The following PARP15 variants were observed in gnomAD, a reference collection of about 807,000 sequenced individuals.
The protein encoded by PARP15 is poly(ADP-ribose) polymerase family member 15, also known as protein mono-ADP-ribosyltransferase PARP15.
Under a neutral mutation model 62.1 loss-of-function variants are expected in PARP15, and 50 were observed. The observed-to-expected ratio is 0.81, with a 90% CI of 0.64 to 1.02. The LOEUF (loss-of-function observed/expected upper bound fraction) is 1.02. Among genes scored for constraint, PARP15 ranks in the 50% least tolerant of loss-of-function variants. The probability of loss-of-function intolerance (pLI) is 0.00; values close to 1 mark genes in which losing one functional copy is unlikely to be tolerated. For synonymous variants in PARP15, 309 were observed against 293.1 expected (o/e 1.05, Z -0.55); for missense variants, 820 against 826.5 (o/e 0.99, Z 0.10).
At chr3:122,621,422 G>A in intron 7 of PARP15, 22 bp from the exon 8 acceptor site, 5 of 1,587,448 alleles carry the variant, frequency 3.1e-6, no homozygotes, top group Non-Finnish European at 4.3e-6. Context: ...CTGCATGTTT[G>A]TTTTTCTTTC....
Position 122,613,176 on chromosome 3 carries a change from G to C in PARP15, c.679G>C (p.Val227Leu). The part of the protein sequence containing the change: ...AVFAKLILSE[V>L]FEYSSSTRPI... Reference sequence around the variant, plus strand: ...TTTTGCTAAACTAATCCTTTCAGAAGTGTTCGAATACAGTAGCAGCACAAG... The same window carrying C: ...TTTTGCTAAACTAATCCTTTCAGAACTGTTCGAATACAGTAGCAGCACAAG... The change falls in exon 4 of 12, where the codon GTG (valine) becomes CTG (leucine). Residue 227 changes from valine (V) to leucine (L), a missense_variant. By Grantham distance (32) the Val-to-Leu change is conservative. Around this residue, in one of 3 missense-constraint regions of PARP15, gnomAD observed 731 missense variants for 727.7 expected, o/e 1.00. Transcript: ENST00000464300. 1 of 1,551,760 alleles carries C rather than the reference G, an allele frequency of 6.4e-7. No individual in the cohort carries two copies. The highest frequency in any genetic ancestry group is 8.7e-7 in the Non-Finnish European group (1 of 1,146,964).
In PARP15 at chr3:122,612,497, C is replaced by T. The variant is rs138505428; in HGVS notation, c.544-544C>T. Among the ~76,000 whole-genome samples, 841 of 151,866 alleles carry T rather than the reference C, an allele frequency of 5.5e-3. 24 individuals carry two copies. In the East Asian group the frequency reaches 0.094, roughly 17 times the overall value. On this transcript the variant is annotated intron_variant, in intron 3 of 11. Coordinates refer to ENST00000464300, the MANE Select transcript of PARP15 (RefSeq NM_001113523.3). The stretch of plus-strand genomic sequence containing the variant: ...CCAGGCTGGAGTTGGAGTACAGTGG[C>T]GCAATCTTGGCTCACTGCAAGCTCC...
chr3:122,617,312 T>C lies in PARP15; in HGVS notation c.1000+148T>C, dbSNP rs1409284164. 4 of 785,524 alleles carry C rather than the reference T, an allele frequency of 5.1e-6. No individual in the cohort carries two copies. In the East Asian group the frequency reaches 8.1e-5, roughly 16 times the overall value. The allele number at this position is 785,524 out of a possible 1,614,324, so 48.7% of individuals were successfully genotyped here. A position where few individuals can be genotyped will look rare whatever the true frequency, so the allele number is the denominator to read the frequency against. On this transcript the variant is annotated intron_variant, in intron 6 of 11. Coordinates refer to ENST00000464300, the MANE Select transcript of PARP15 (RefSeq NM_001113523.3). ...AGGAAGACGTGGGTTGAATCCCAGC[T>C]ATGCCACTTAGCAATGTGTAGCTGT... is the stretch of plus-strand genomic sequence containing the variant.
intron 2 of PARP15, among the ~76,000 whole-genome samples, chr3:122,607,091 A>G (rs1359405573): frequency 2.6e-5 from 4 of 152,188 alleles, no homozygotes; most frequent in Non-Finnish European, 4.4e-5. Context: ...GTCATTTTAC[A>G]CAGAATTGAT....
chr3:122,577,660 A>T lies in PARP15; in HGVS notation c.-8A>T, dbSNP rs1322436514. Reference sequence around the variant, plus strand: ...GTGGGGCGCAACTGCAGTCCCAGCGAGCTGAGGATGGCTGCGCCAGGCCCC... The same window carrying T: ...GTGGGGCGCAACTGCAGTCCCAGCGTGCTGAGGATGGCTGCGCCAGGCCCC... On this transcript the variant is annotated 5_prime_UTR_variant, in exon 1 of 12. Transcript: ENST00000464300. 12 of 1,551,604 alleles carry T rather than the reference A, an allele frequency of 7.7e-6. No individual in the cohort carries two copies. Among genetic ancestry groups the T allele is most frequent in the Non-Finnish European group, 1.0e-5 (12 of 1,146,964 alleles).
intron 2 of PARP15, among the ~76,000 whole-genome samples, chr3:122,608,213 C>CTTTTTTTTTTTTTTTTTTTTTT (rs71136576): frequency 1.8e-5 from 2 of 113,910 alleles, no homozygotes; most frequent in South Asian, 2.9e-4. Context: ...TTTCTCTTTT[C>CTTTTTTTTTTTTTTTTTTTTTT]TTTTTTTTTT....
In PARP15 at chr3:122,600,394, A is replaced by G. The variant is rs117933089; in HGVS notation, c.187-5542A>G. On this transcript the variant is annotated intron_variant, in intron 1 of 11. Transcript: ENST00000464300. ...TTAGGGCAGTTCTAATTATTTTAAA[A>G]CGTAGCTTTATGTTAAGCCCAAATA... 2.4e-4 allele frequency among the ~76,000 whole-genome samples: 37 copies of G among 152,134 alleles called. No individual in the cohort carries two copies. The East Asian group carries it at 6.2e-3, about 25-fold the overall frequency.
intron 1 of PARP15, among the ~76,000 whole-genome samples, chr3:122,601,035 G>GTTTTTTTTTTTTTTTTTTTT: frequency 9.5e-6 from 1 of 104,940 alleles, no homozygotes; most frequent in Middle Eastern, 4.5e-3. Context: ...TGTCTTTTAT[G>GTTTTTTTTTTTTTTTTTTTT]GTTTTTTTTT....
rs1010113694 is a variant in PARP15 at position 122,602,220 on chromosome 3, C to T, written c.187-3716C>T. Among the ~76,000 whole-genome samples, 23 of 152,176 alleles carry T rather than the reference C, an allele frequency of 1.5e-4. 1 individual carries two copies. Among genetic ancestry groups the T allele is most frequent in the Admixed American group, 1.2e-3 (18 of 15,268 alleles). On this transcript the variant is annotated intron_variant, in intron 1 of 11. Transcript: ENST00000464300. ...TTAAGGACTCACACTTGGATTCTTT[C>T]CCAGGGCACTGCCTTTGGGAGACTG...
chr3:122,621,973 A>AT (rs1216102796), intron 8 of PARP15, among the ~76,000 whole-genome samples: 1 of 152,048 alleles, frequency 6.6e-6, no homozygotes, highest in Non-Finnish European at 1.5e-5. Flanking sequence ...AAATATTTGT[A>AT]TTTTTTATGG....
intron 4 of PARP15, among the ~76,000 whole-genome samples, chr3:122,614,188 G>A (rs748549517): frequency 1.4e-4 from 21 of 152,082 alleles, no homozygotes; most frequent in Admixed American, 2.0e-4. Context: ...AACACCTTTC[G>A]GAATTGTTCT....
rs180775047 is a variant in PARP15 at position 122,580,906 on chromosome 3, A to T, written c.186+3053A>T. Among the ~76,000 whole-genome samples, 13 of 152,302 alleles carry T rather than the reference A, an allele frequency of 8.5e-5. No individual in the cohort carries two copies. In the East Asian group the frequency reaches 2.3e-3, roughly 27 times the overall value. On this transcript the variant is annotated intron_variant, in intron 1 of 11. Coordinates refer to ENST00000464300, the MANE Select transcript of PARP15 (RefSeq NM_001113523.3). ...ATGTAAACCATGCTGGTCCTGGAAG[A>T]TTATAATACTGTGTTTTTACTGTAC...
chr3:122,584,470 G>A (rs1049323922), intron 1 of PARP15, among the ~76,000 whole-genome samples: 4 of 151,386 alleles, frequency 2.6e-5, no homozygotes, highest in Non-Finnish European at 5.9e-5. Context: ...TGTTCCTGAC[G>A]TTAATGAAAA....
At chr3:122,603,649 G>C (rs560093287) in intron 1 of PARP15, among the ~76,000 whole-genome samples, 1 of 152,254 alleles carries the variant, frequency 6.6e-6, no homozygotes, top group East Asian at 1.9e-4. Context: ...GAATGTAGCT[G>C]GTTCTTTTGG....
chr3:122,615,495 C>CA (rs1212007144), intron 4 of PARP15: 4 of 1,186,970 alleles, frequency 3.4e-6, no homozygotes, highest in South Asian at 1.6e-5. Flanking sequence ...ATAGTGGTCA[C>CA]AAAAAAGGCA....
At chr3:122,601,040 T>TTTTTTTTTC (rs1934758417) in intron 1 of PARP15, among the ~76,000 whole-genome samples, 1 of 131,388 alleles carries the variant, frequency 7.6e-6, no homozygotes, top group African/African-American at 3.4e-5. Flanking sequence ...TTTATGGTTT[T>TTTTTTTTTC]TTTTTTTTTT....
In PARP15 at chr3:122,617,146, A is replaced by T; in HGVS notation, c.982A>T (p.Thr328Ser). The T allele has an allele frequency of 6.2e-7, 1 of 1,612,798 alleles. No homozygotes were observed. ...VDVIVNSTAR[T>S]FNRKSGVSRA... The stretch of plus-strand genomic sequence containing the variant: ...TGTTATTGTAAACTCAACAGCAAGG[A>T]CATTTAATCGGAAATCAGGTACTTT... The change falls in exon 6 of 12, where the codon ACA becomes TCA. Residue 328 changes from threonine (T) to serine (S), a missense_variant. This residue lies in a region of PARP15 where 731 missense variants were observed against 727.7 expected (regional missense o/e 1.00). Coordinates refer to ENST00000464300, the MANE Select transcript of PARP15 (RefSeq NM_001113523.3).
At chr3:122,611,431 C>A (rs1367020073) in intron 3 of PARP15, among the ~76,000 whole-genome samples, 1 of 151,486 alleles carries the variant, frequency 6.6e-6, no homozygotes, top group African/African-American at 2.4e-5. Flanking sequence ...CTCTGCCTCC[C>A]GGGTTCAAGT....
chr3:122,631,035 A>T (rs889758152), intron 9 of PARP15, among the ~76,000 whole-genome samples: 2 of 152,296 alleles, frequency 1.3e-5, no homozygotes, highest in East Asian at 3.9e-4. Context: ...CATGAAAGGA[A>T]TAGAAGGCCC....
Sources: gnomAD v4.1 joint callset for allele counts (sites outside exome capture counted in the v4.1 genomes callset) on GRCh38, gnomAD v4.1.1 for gene constraint, gnomAD v4.1.1 regional missense constraint, MANE v1.5 for transcripts, NCBI Gene and HGNC (gene_info 2026-07-23, HGNC 2026-07-21) for gene names.